Variants in ASXL1 observed in about 807,000 individuals in gnomAD.
ASXL1 encodes polycomb group protein ASXL1.
A neutral mutation model predicts 89.1 loss-of-function variants in ASXL1; 65 were observed. That is an observed-to-expected ratio of 0.73 (90% confidence interval 0.60 to 0.90). ASXL1 has a LOEUF of 0.90. Ranked by LOEUF, ASXL1 falls within the 40% of genes least tolerant of loss-of-function variation. ASXL1 has a pLI of 0.00. For synonymous variants in ASXL1, 739 were observed against 746.9 expected (o/e 0.99, Z 0.17); for missense variants, 1,786 against 1,942.9 (o/e 0.92, Z 1.52).
rs2145393699 is a variant in ASXL1, at chr20:32,436,926, T to A, written c.4214T>A (p.Val1405Asp). ...GGTCACTTGGAAGGGATGCCCTTTG[T>A]CATGGACTTGCCCTTCTGGAAATTA... is the stretch of plus-strand genomic sequence containing the variant. Reference protein sequence around the residue: ...LVGHLEGMPFVMDLPFWKLPR... With the variant: ...LVGHLEGMPFDMDLPFWKLPR... The change falls in exon 13 of 13, where the codon GTC (valine) becomes GAC (aspartate). Residue 1405 changes from valine to aspartate, a missense_variant. Coordinates refer to ENST00000375687, the MANE Select transcript of ASXL1 (RefSeq NM_015338.6). The A allele has an allele frequency of 6.2e-7, 1 of 1,614,196 alleles. No individual in the cohort carries two copies. Among genetic ancestry groups the A allele is most frequent in the Non-Finnish European group, 8.5e-7 (1 of 1,180,040 alleles).
chr20:32,436,521 G>A lies in ASXL1; in HGVS notation c.3809G>A (p.Arg1270Lys). 6.2e-7 allele frequency: 1 copy of A among 1,614,208 alleles called. No individual in the cohort carries two copies. The highest frequency in any genetic ancestry group is 8.5e-7 in the Non-Finnish European group (1 of 1,180,046). ...AGCCCAGGAGATCTTACTACCTCGA[G>A]AACACCTCGTTTCTCATCTCCAAAT... ...GKSPGDLTTS[R>K]TPRFSSPNVI... Residue 1270 changes from arginine to lysine, a missense_variant, in exon 13 of 13, where the codon AGA becomes AAA. By Grantham distance (26) the Arg-to-Lys change is conservative. Coordinates refer to ENST00000375687, the MANE Select transcript of ASXL1 (RefSeq NM_015338.6).
At chr20:32,411,569 A>C (rs1453334000) in intron 4 of ASXL1, among the ~76,000 whole-genome samples, 1 of 121,604 alleles carries the variant, frequency 8.2e-6, no homozygotes, top group African/African-American at 3.2e-5. Context: ...AAATATGAAG[A>C]CTCGCTCTGT....
chr20:32,391,969 T>C (rs903771309), intron 4 of ASXL1, among the ~76,000 whole-genome samples: 1 of 152,042 alleles, frequency 6.6e-6, no homozygotes, highest in African/African-American at 2.4e-5. Flanking sequence ...GACCTTGATT[T>C]TTTTTTTTTC....
In ASXL1 at chr20:32,433,430, G is replaced by T; in HGVS notation, c.1232G>T (p.Arg411Leu). ...TRQRDGHFKK[R>L]SRPDLRTRAR... ...CAGCGAGATGGGCATTTTAAGAAAC[G>T]CTCTCGGCCAGATCTCCGAACCAGA... Residue 411 changes from arginine to leucine, a missense_variant, in exon 12 of 13, where the codon CGC becomes CTC. By Grantham distance (102) the Arg-to-Leu change is moderately radical (BLOSUM62 -2). Coordinates refer to ENST00000375687, the MANE Select transcript of ASXL1 (RefSeq NM_015338.6). 1.9e-6 allele frequency: 3 copies of T among 1,614,142 alleles called. No homozygotes were observed. Among genetic ancestry groups the T allele is most frequent in the Non-Finnish European group, 2.5e-6 (3 of 1,180,032 alleles).
chr20:32,376,715 T>G (rs2048384134), intron 4 of ASXL1, among the ~76,000 whole-genome samples: 1 of 151,084 alleles, frequency 6.6e-6, no homozygotes. Flanking sequence ...CTTGTTAAGT[T>G]TTTTCTCCTC....
intron 4 of ASXL1, among the ~76,000 whole-genome samples, chr20:32,377,447 A>T (rs1345886671): frequency 6.6e-6 from 1 of 151,830 alleles, no homozygotes; most frequent in Non-Finnish European, 1.5e-5. Context: ...TTCTTTGATA[A>T]AAGTTTTTCT....
chr20:32,430,697 C>T (rs552316316), intron 8 of ASXL1: 19 of 237,446 alleles, frequency 8.0e-5, no homozygotes, highest in African/African-American at 3.6e-4. Flanking sequence ...TTAGAGTAAA[C>T]CTTTGCCCAT....
intron 4 of ASXL1, among the ~76,000 whole-genome samples, chr20:32,419,970 A>C: frequency 6.6e-6 from 1 of 151,200 alleles, no homozygotes; most frequent in South Asian, 2.1e-4. Context: ...ATGAGCCCCC[A>C]CACCCGGCTG....
intron 4 of ASXL1, among the ~76,000 whole-genome samples, chr20:32,373,593 G>A (rs1334717752): frequency 3.3e-5 from 5 of 152,030 alleles, no homozygotes. Context: ...GTGGCCAGCT[G>A]CGATGGCTCA....
At chr20:32,371,106 G>T (rs951805313) in intron 4 of ASXL1, among the ~76,000 whole-genome samples, 1 of 151,978 alleles carries the variant, frequency 6.6e-6, no homozygotes, top group Non-Finnish European at 1.5e-5. Context: ...CTCCAGCCTG[G>T]GCCACATAGC....
chr20:32,436,820 GAGA>G lies in ASXL1; in HGVS notation c.4112_4114del (p.Lys1371del), dbSNP rs752856195. On this transcript the variant is annotated inframe_deletion, in exon 13 of 13. Transcript: ENST00000375687. ...TGCCTTTGTTGGCAGCGTCAAGAAT[GAGA>G]AGACTTTTGTGGGGGGTCCTCTTAA... 2.5e-5 allele frequency: 40 copies of G among 1,614,098 alleles called. No homozygotes were observed. In the South Asian group the frequency reaches 2.9e-4, roughly 12 times the overall value.
Position 32,434,501 on chromosome 20 carries a change from A to G in ASXL1, c.1789A>G (p.Ile597Val), listed in dbSNP as rs984648436. 2 of 1,613,944 alleles carry G rather than the reference A, an allele frequency of 1.2e-6. No homozygotes were observed. Among genetic ancestry groups the G allele is most frequent in the Non-Finnish European group, 1.7e-6 (2 of 1,180,040 alleles). Residue 597 changes from isoleucine to valine, a missense_variant, in exon 13 of 13, where the codon ATC becomes GTC. Around this residue, in one of 3 missense-constraint regions of ASXL1, gnomAD observed 1,418 missense variants for 1,427.8 expected, o/e 0.99. Transcript: ENST00000375687. The part of the protein sequence containing the change: ...GQPTYQICPR[I>V]IPTTESSCRG... Reference sequence around the variant, plus strand: ...GCCCACTTACCAGATATGCCCCCGGATCATCCCCACCACGGAGTCCTCCTG... The same window carrying G: ...GCCCACTTACCAGATATGCCCCCGGGTCATCCCCACCACGGAGTCCTCCTG...
rs2011460559 is a variant in ASXL1, at chr20:32,429,699, A to G, written c.566-202A>G. 4 of 752,054 alleles carry G rather than the reference A, an allele frequency of 5.3e-6. No homozygotes were observed. The highest frequency in any genetic ancestry group is 8.5e-6 in the Non-Finnish European group (4 of 471,418). The allele number at this position is 752,054 out of a possible 1,614,324, so 46.6% of individuals were successfully genotyped here. ...GTAAAAGGTGTAGTGCTATACAAAT[A>G]AAGATGGCAGTTTGGCACCTGTAAG... is the stretch of plus-strand genomic sequence containing the variant. On this transcript the variant is annotated intron_variant, in intron 7 of 12. Coordinates refer to ENST00000375687, the MANE Select transcript of ASXL1 (RefSeq NM_015338.6). The surrounding 1 kb of genome is among the most constrained non-coding windows in gnomAD (Gnocchi z 4.9).
intron 4 of ASXL1, among the ~76,000 whole-genome samples, chr20:32,384,293 G>A (rs545296504): frequency 3.7e-5 from 5 of 135,482 alleles, no homozygotes; most frequent in Middle Eastern, 4.2e-3. Flanking sequence ...TGCAACCTCC[G>A]CCTCCTGGGT....
At chr20:32,428,083 A>G (rs1332168339) in intron 4 of ASXL1, 45 bp from the exon 5 acceptor site, 6 of 1,611,644 alleles carry the variant, frequency 3.7e-6, no homozygotes, top group Non-Finnish European at 5.1e-6. Context: ...TTGCTTTAAG[A>G]ATTTGTAGGG....
chr20:32,364,139 C>T (rs2122792876), intron 1 of ASXL1, among the ~76,000 whole-genome samples: 1 of 152,188 alleles, frequency 6.6e-6, no homozygotes, highest in Non-Finnish European at 1.5e-5. Context: ...TACCGGTGGG[C>T]CAGTGGACTT....
At chr20:32,380,861 GA>G (rs1024834704) in intron 4 of ASXL1, among the ~76,000 whole-genome samples, 6 of 152,200 alleles carry the variant, frequency 3.9e-5, no homozygotes, top group African/African-American at 1.4e-4. Context: ...CTTATCATTT[GA>G]AAGGCATTTT....
chr20:32,431,768 C>A, intron 10 of ASXL1, 89 bp downstream of exon 10: 2 of 1,355,150 alleles, frequency 1.5e-6, no homozygotes, highest in Non-Finnish European at 2.1e-6. Context: ...CAAGCTCGCT[C>A]TTCTCAAAGG....
At chr20:32,361,642 A>G (rs962672722) in intron 1 of ASXL1, among the ~76,000 whole-genome samples, 2 of 151,846 alleles carry the variant, frequency 1.3e-5, no homozygotes, top group Non-Finnish European at 2.9e-5. Context: ...TCAAAAAAAA[A>G]AAAAAAAGAA....
Sources: gnomAD v4.1 joint callset for allele counts (sites outside exome capture counted in the v4.1 genomes callset) on GRCh38, gnomAD v4.1.1 for gene constraint, gnomAD v4.1.1 regional missense constraint, Gnocchi (gnomAD v3.1) non-coding constraint, MANE v1.5 for transcripts, NCBI Gene and HGNC (gene_info 2026-07-23, HGNC 2026-07-21) for gene names.